PTPRN2: variants seen among roughly 807,000 people sequenced by gnomAD.
PTPRN2 encodes receptor-type tyrosine-protein phosphatase N2.
Under a neutral mutation model 118.8 loss-of-function variants are expected in PTPRN2, and 74 were observed. That is an observed-to-expected ratio of 0.62 (90% CI 0.52 to 0.76). The LOEUF (loss-of-function observed/expected upper bound fraction) is 0.76, where lower values mean the gene tolerates loss of function less well. Ranked by LOEUF, PTPRN2 falls within the 30% of genes least tolerant of loss-of-function variation. PTPRN2 has a pLI of 0.00. For synonymous variants in PTPRN2, 641 were observed against 608.0 expected, an observed-to-expected ratio of 1.05 and a Z score of -0.80; for missense variants, 1,481 against 1,394.4, an observed-to-expected ratio of 1.06 and a Z score of -0.99.
Position 158,529,954 on chromosome 7 carries a change from C to T in PTPRN2, c.113-40169G>A, listed in dbSNP as rs1825095942. On this transcript the variant is annotated intron_variant, in intron 1 of 22. Coordinates refer to ENST00000389418, the MANE Select transcript of PTPRN2 (RefSeq NM_002847.5). The surrounding 1 kb of genome is among the most constrained non-coding windows in gnomAD (Gnocchi z 4.7). ...ACATGCACACATGTATCTCACATAC[C>T]ACACACAAGCATGCACGCCACACAT... Among the ~76,000 whole-genome samples, 1 of 152,048 alleles carries T rather than the reference C, an allele frequency of 6.6e-6. No homozygotes were observed. Among genetic ancestry groups the T allele is most frequent in the African/African-American group, 2.4e-5 (1 of 41,390 alleles).
intron 11 of PTPRN2, among the ~76,000 whole-genome samples, chr7:157,943,714 T>A (rs1393345480): frequency 6.7e-6 from 1 of 148,446 alleles, no homozygotes; most frequent in Non-Finnish European, 1.5e-5. Flanking sequence ...AAGCGCTCCC[T>A]ACCCTGACGC....
At position 158,015,558 on chromosome 7, in the gene PTPRN2, TG is replaced by T. The variant is rs1485803409; in HGVS notation, c.1723+65739del. ...CCTCACCGCCCCCGCCCCTCACCCC[TG>T]TATGTGCATCTGGAATCCACTTTCA... On this transcript the variant is annotated intron_variant, in intron 11 of 22. Coordinates refer to ENST00000389418, the MANE Select transcript of PTPRN2 (RefSeq NM_002847.5). The surrounding 1 kb of genome is among the most constrained non-coding windows in gnomAD (Gnocchi z 4.2). Among the ~76,000 whole-genome samples, 1 of 148,160 alleles carries T rather than the reference TG, an allele frequency of 6.7e-6. No homozygotes were observed. The highest frequency in any genetic ancestry group is 2.5e-5 in the African/African-American group (1 of 40,438).
At chr7:157,675,204 GC>G (rs1274489012) in intron 13 of PTPRN2, among the ~76,000 whole-genome samples, 1 of 152,168 alleles carries the variant, frequency 6.6e-6, no homozygotes, top group African/African-American at 2.4e-5. Flanking sequence ...CCTTCGGAGA[GC>G]CTGCCTCCCG....
At position 158,129,058 on chromosome 7, in the gene PTPRN2, A is replaced by G. The variant is rs536599953; in HGVS notation, c.1556+4619T>C. ...ATATACAACACACTGTGCACCATGCACACACACCACAAATACAATACACAC... is the reference window on the plus strand; with the variant it reads ...ATATACAACACACTGTGCACCATGCGCACACACCACAAATACAATACACAC... On this transcript the variant is annotated intron_variant, in intron 9 of 22. Transcript: ENST00000389418. 2.6e-3 allele frequency among the ~76,000 whole-genome samples: 394 copies of G among 148,828 alleles called. 1 individual carries two copies. Among genetic ancestry groups the G allele is most frequent in the African/African-American group, 9.4e-3 (367 of 38,960 alleles).
At chr7:158,578,466 T>A (rs935254333) in intron 1 of PTPRN2, among the ~76,000 whole-genome samples, 147 of 146,688 alleles carry the variant, frequency 1.0e-3, no homozygotes, top group African/African-American at 3.6e-3. Flanking sequence ...GCCCAGGAGT[T>A]CAGGGCTGCA....
intron 12 of PTPRN2, among the ~76,000 whole-genome samples, chr7:157,734,978 G>A (rs1006130446): frequency 3.3e-5 from 5 of 152,230 alleles, no homozygotes; most frequent in African/African-American, 1.2e-4. Context: ...TAACTGCCTC[G>A]ATGCAGGAGT....
intron 11 of PTPRN2, among the ~76,000 whole-genome samples, chr7:158,077,550 C>T (rs1404889540): frequency 3.3e-4 from 9 of 26,896 alleles, no homozygotes; most frequent in African/African-American, 9.0e-4. Context: ...CACAGGAGCC[C>T]CCTATGAGCC....
At position 158,345,039 on chromosome 7, in the gene PTPRN2, C is replaced by T. The variant is rs142009705; in HGVS notation, c.164-28107G>A. On this transcript the variant is annotated intron_variant, in intron 2 of 22. Transcript: ENST00000389418. ...TGCGGACACCTGGGACCGCAGTGGG[C>T]GGGAGAAATTCTGGAGGATAAAATG... Among the ~76,000 whole-genome samples the T allele has an allele frequency of 5.4e-3, 815 of 152,228 alleles. 7 individuals carry two copies. The highest frequency in any genetic ancestry group is 8.0e-3 in the Non-Finnish European group (541 of 68,006).
chr7:158,344,414 G>A (rs937648376), intron 2 of PTPRN2, among the ~76,000 whole-genome samples: 1 of 152,172 alleles, frequency 6.6e-6, no homozygotes, highest in Non-Finnish European at 1.5e-5. Context: ...GCCTCCAGAA[G>A]AGGCAGCTCC....
intron 4 of PTPRN2, among the ~76,000 whole-genome samples, chr7:158,193,766 T>C (rs1806612): frequency 0.47 from 71,801 of 151,738 alleles, 18,135 homozygotes; most frequent in African/African-American, 0.67. Flanking sequence ...TTTGCTTTTT[T>C]GCACATGACC....
chr7:157,956,874 T>C (rs555294853), intron 11 of PTPRN2, among the ~76,000 whole-genome samples: 1 of 152,362 alleles, frequency 6.6e-6, no homozygotes, highest in Non-Finnish European at 1.5e-5. Flanking sequence ...AAAAAGAAGT[T>C]GTTTCAATTG....
At chr7:157,601,778 G>A (rs1163117270) in intron 16 of PTPRN2, among the ~76,000 whole-genome samples, 1 of 152,252 alleles carries the variant, frequency 6.6e-6, no homozygotes, top group Non-Finnish European at 1.5e-5. Context: ...CTGCAACGCT[G>A]AACTCTCGTC....
At position 158,290,253 on chromosome 7, in the gene PTPRN2, C is replaced by T. The variant is rs73526049; in HGVS notation, c.277+26566G>A. Among the ~76,000 whole-genome samples the T allele has an allele frequency of 6.6e-3, 1,011 of 152,244 alleles. 13 individuals carry two copies. The highest frequency in any genetic ancestry group is 0.023 in the African/African-American group (942 of 41,540). ...ACTCTGAGTTCTGGAGCCTGGAGCA[C>T]TGGGGACCAGCCTGGATCCTGAGTC... On this transcript the variant is annotated intron_variant, in intron 3 of 22. Transcript: ENST00000389418.
chr7:157,576,834 G>A (rs1800078869), intron 18 of PTPRN2, 55 bp from the exon 19 acceptor site: 6 of 1,480,898 alleles, frequency 4.1e-6, no homozygotes, highest in African/African-American at 1.4e-5. Flanking sequence ...ATTGTGAACC[G>A]AACCTCAGGC....
At chr7:158,196,798 T>C (rs1367684666) in intron 4 of PTPRN2, among the ~76,000 whole-genome samples, 1 of 152,200 alleles carries the variant, frequency 6.6e-6, no homozygotes. Context: ...ATGGAAAACA[T>C]TTTTAAAGTA....
intron 2 of PTPRN2, among the ~76,000 whole-genome samples, chr7:158,456,380 T>C (rs992726522): frequency 6.8e-6 from 1 of 147,208 alleles, no homozygotes; most frequent in Non-Finnish European, 1.5e-5. Flanking sequence ...CAGCCACCCA[T>C]TGCTCTGCAG....
intron 3 of PTPRN2, among the ~76,000 whole-genome samples, chr7:158,249,944 T>C (rs1796553638): frequency 6.6e-6 from 1 of 152,068 alleles, no homozygotes; most frequent in Non-Finnish European, 1.5e-5. Context: ...GTAATGCAAG[T>C]GAGAGAACAC....
At chr7:157,660,704 C>G (rs1795842866) in intron 13 of PTPRN2, among the ~76,000 whole-genome samples, 1 of 152,184 alleles carries the variant, frequency 6.6e-6, no homozygotes, top group South Asian at 2.1e-4. Flanking sequence ...CAGAGCCAAA[C>G]TCTTGACGGC....
At chr7:157,696,798 G>C (rs1427554657) in intron 12 of PTPRN2, among the ~76,000 whole-genome samples, 1 of 122,068 alleles carries the variant, frequency 8.2e-6, no homozygotes, top group Non-Finnish European at 1.7e-5. Context: ...ACTGGATCTT[G>C]GCAGAGCCCT....
Sources: allele counts gnomAD v4.1 joint callset (sites outside exome capture counted in the v4.1 genomes callset), GRCh38; gene constraint gnomAD v4.1.1; non-coding constraint Gnocchi (gnomAD v3.1); transcripts MANE v1.5; gene names NCBI Gene and HGNC (gene_info 2026-07-23, HGNC 2026-07-21).